BMPER: variants seen among roughly 807,000 people sequenced by gnomAD.
The protein encoded by BMPER is BMP-binding endothelial regulator protein.
In BMPER, 45 loss-of-function variants were observed where a neutral mutation model predicts 87.3. The observed-to-expected ratio is 0.52, with a 90% CI of 0.41 to 0.66. The LOEUF is 0.66. Ranked by LOEUF, BMPER falls within the 30% of genes least tolerant of loss-of-function variation. The pLI is 0.00. For missense variants in BMPER, 784 were observed against 867.5 expected, an observed-to-expected ratio of 0.90 and a Z score of 1.21; for synonymous variants, 326 against 316.2, an observed-to-expected ratio of 1.03 and a Z score of -0.33.
At chr7:33,993,607 C>G (rs2127928784) in intron 6 of BMPER, among the ~76,000 whole-genome samples, 1 of 152,134 alleles carries the variant, frequency 6.6e-6, no homozygotes, top group East Asian at 1.9e-4. Flanking sequence ...CTGAAGCCTT[C>G]TTCTCTCAGC....
chr7:33,958,401 G>C (rs1217241429), intron 3 of BMPER, among the ~76,000 whole-genome samples: 1 of 152,214 alleles, frequency 6.6e-6, no homozygotes, highest in Non-Finnish European at 1.5e-5. Context: ...GCTTAGCATA[G>C]TTGGTAGCCA....
At chr7:34,133,932 C>T (rs1021460095) in intron 13 of BMPER, among the ~76,000 whole-genome samples, 1 of 151,976 alleles carries the variant, frequency 6.6e-6, no homozygotes, top group Non-Finnish European at 1.5e-5. Context: ...TGAAGGATTC[C>T]GACTCTCTTG....
chr7:33,993,348 C>G (rs962685176), intron 6 of BMPER, among the ~76,000 whole-genome samples: 1 of 152,084 alleles, frequency 6.6e-6, no homozygotes, highest in Non-Finnish European at 1.5e-5. Flanking sequence ...AACTTCCCTT[C>G]TCGCTTCATT....
intron 13 of BMPER, among the ~76,000 whole-genome samples, chr7:34,138,539 C>T (rs12673401): frequency 0.041 from 6,216 of 152,234 alleles, 270 homozygotes; most frequent in African/African-American, 0.11. Context: ...AACAAGAGTC[C>T]TACCTGAACC....
At chr7:34,072,876 A>G (rs1317141208) in intron 11 of BMPER, among the ~76,000 whole-genome samples, 1 of 152,176 alleles carries the variant, frequency 6.6e-6, no homozygotes, top group Non-Finnish European at 1.5e-5. Flanking sequence ...AAATGGAGAA[A>G]TTGGACTCCC....
chr7:34,151,802 A>T, intron 14 of BMPER, among the ~76,000 whole-genome samples: 1 of 152,236 alleles, frequency 6.6e-6, no homozygotes, highest in East Asian at 1.9e-4. Context: ...TTATAGAGTC[A>T]AGTAGTTTAA....
At chr7:34,027,901 T>C (rs1347311134) in intron 6 of BMPER, among the ~76,000 whole-genome samples, 1 of 152,116 alleles carries the variant, frequency 6.6e-6, no homozygotes, top group African/African-American at 2.4e-5. Context: ...AGTATACCAA[T>C]ATTTGGAAGA....
At chr7:33,982,332 A>G (rs1386187092) in intron 6 of BMPER, among the ~76,000 whole-genome samples, 1 of 152,074 alleles carries the variant, frequency 6.6e-6, no homozygotes, top group Non-Finnish European at 1.5e-5. Context: ...TAAATTGGAG[A>G]ATTGAGCAAT....
At chr7:34,088,741 C>G (rs1236764556) in intron 13 of BMPER, among the ~76,000 whole-genome samples, 1 of 152,186 alleles carries the variant, frequency 6.6e-6, no homozygotes, top group Non-Finnish European at 1.5e-5. Context: ...ACAGAGCGTG[C>G]TGCTGTCCTG....
chr7:34,089,205 AT>A (rs746483298), intron 13 of BMPER, among the ~76,000 whole-genome samples: 15 of 152,172 alleles, frequency 9.9e-5, no homozygotes, highest in Non-Finnish European at 1.8e-4. Context: ...TCTCCAAAAA[AT>A]ATCTGTATTT....
At chr7:34,008,503 A>G (rs1264592372) in intron 6 of BMPER, among the ~76,000 whole-genome samples, 2 of 151,904 alleles carry the variant, frequency 1.3e-5, no homozygotes, top group African/African-American at 2.4e-5. Flanking sequence ...TACATTAATA[A>G]TATGTGTCTC....
At position 34,129,590 on chromosome 7, in the gene BMPER, GAGAGAGAGAGAGAGAGAGAA is replaced by G. The variant is rs200806543; in HGVS notation, c.1746-13624_1746-13605del. 9.5e-4 allele frequency among the ~76,000 whole-genome samples: 122 copies of G among 128,772 alleles called. 3 individuals carry two copies. The highest frequency in any genetic ancestry group is 5.1e-3 in the South Asian group (18 of 3,542). 84.5% of individuals were successfully genotyped at this position (128,772 alleles called of 152,430 possible). On this transcript the variant is annotated intron_variant, in intron 13 of 14. Transcript: ENST00000649409. ...GGAAGGAAGGAAGGAGAGAGAGAGA[GAGAGAGAGAGAGAGAGAGAA>G]AGAGAGAGAGAGAGAAAGAGAGAAA... is the stretch of plus-strand genomic sequence containing the variant.
At chr7:34,052,239 C>G (rs1272314062) in intron 8 of BMPER, among the ~76,000 whole-genome samples, 1 of 152,176 alleles carries the variant, frequency 6.6e-6, no homozygotes, top group Non-Finnish European at 1.5e-5. Context: ...TTTCTAAAAT[C>G]AGACAAATAC....
chr7:34,055,153 G>T lies in BMPER; in HGVS notation c.787-10G>T. On this transcript the variant is annotated splice_polypyrimidine_tract_variant and intron_variant, in intron 8 of 14. Transcript: ENST00000649409. ...CATTTTTAATTTCTATTTTGCCTTT[G>T]GGCCCCCAGGACTCTACTGTGGTTT... 1 of 1,614,062 alleles carries T rather than the reference G, an allele frequency of 6.2e-7. No individual in the cohort carries two copies. The highest frequency in any genetic ancestry group is 1.1e-5 in the South Asian group (1 of 91,062).
In BMPER at chr7:34,046,363, C is replaced by G. The variant is rs1178536178; in HGVS notation, c.634C>G (p.Leu212Val). The G allele has an allele frequency of 6.2e-7, 1 of 1,613,954 alleles. No homozygotes were observed. The highest frequency in any genetic ancestry group is 8.5e-7 in the Non-Finnish European group (1 of 1,179,970). The change falls in exon 7 of 15, where the codon CTT becomes GTT. Residue 212 changes from leucine (L) to valine (V), a missense_variant. Leu to Val is a conservative substitution (Grantham distance 32). Coordinates refer to ENST00000649409, the MANE Select transcript of BMPER (RefSeq NM_001365308.1). ...TCCCATTCTCTCCTGTCCCCAGCAC[C>G]TTAGTCACATACCCCCAGGACAGTG... ...VCPILSCPQHLSHIPPGQCCP... is the reference protein window; with the variant it reads ...VCPILSCPQHVSHIPPGQCCP...
chr7:33,970,512 A>C (rs1785516263), intron 5 of BMPER, 93 bp downstream of exon 5: 1 of 1,303,928 alleles, frequency 7.7e-7, no homozygotes, highest in Non-Finnish European at 1.1e-6. Flanking sequence ...AATTTTCCTC[A>C]CTTTACATCT....
intron 2 of BMPER, among the ~76,000 whole-genome samples, chr7:33,908,421 C>G (rs1247329746): frequency 6.6e-6 from 1 of 152,168 alleles, no homozygotes; most frequent in Non-Finnish European, 1.5e-5. Flanking sequence ...TCCCAAATAA[C>G]ATTATGAGAA....
chr7:34,078,915 A>G lies in BMPER; in HGVS notation c.1137A>G (p.Thr379=). ...ACTACAACACTTTTGACGGTCGGACATTTAACTTTCAGGGGACGTGTCAGT... is the reference window on the plus strand; with the variant it reads ...ACTACAACACTTTTGACGGTCGGACGTTTAACTTTCAGGGGACGTGTCAGT... ...DPHYNTFDGR[T]FNFQGTCQYV... is the part of the protein sequence containing the mutation. Residue 379 remains threonine, a synonymous_variant, in exon 12 of 15, where the codon ACA becomes ACG. Coordinates refer to ENST00000649409, the MANE Select transcript of BMPER (RefSeq NM_001365308.1). 1 of 1,614,190 alleles carries G rather than the reference A, an allele frequency of 6.2e-7. No homozygotes were observed. The highest frequency in any genetic ancestry group is 2.2e-5 in the East Asian group (1 of 44,874).
At chr7:34,096,198 G>A (rs535777217) in intron 13 of BMPER, among the ~76,000 whole-genome samples, 3 of 152,222 alleles carry the variant, frequency 2.0e-5, no homozygotes, top group Non-Finnish European at 4.4e-5. Context: ...AGGTGGCCCT[G>A]TGTGGGCTGG....
Sources: allele counts gnomAD v4.1 joint callset (sites outside exome capture counted in the v4.1 genomes callset), GRCh38; gene constraint gnomAD v4.1.1; transcripts MANE v1.5; gene names NCBI Gene and HGNC (gene_info 2026-07-23, HGNC 2026-07-21).